Variants in KCNQ1 observed in about 807,000 individuals in gnomAD.
KCNQ1 encodes potassium voltage-gated channel subfamily KQT member 1.
KCNQ1 carries 49 observed loss-of-function variants against 72.4 expected under a neutral mutation model. That is an observed-to-expected ratio of 0.68 (90% CI 0.54 to 0.86). KCNQ1 has a LOEUF of 0.86. Ranked by LOEUF, KCNQ1 falls within the 40% of genes least tolerant of loss-of-function variation. The pLI is 0.00. For synonymous variants in KCNQ1, 450 were observed against 412.6 expected (o/e 1.09, Z -1.10); for missense variants, 790 against 945.1 (o/e 0.84, Z 2.15).
chr11:2,494,523 C>T lies in KCNQ1; in HGVS notation c.387-33405C>T, dbSNP rs1846880260. Among the ~76,000 whole-genome samples, 1 of 152,114 alleles carries T rather than the reference C, an allele frequency of 6.6e-6. No homozygotes were observed. The highest frequency in any genetic ancestry group is 2.1e-4 in the South Asian group (1 of 4,830). On this transcript the variant is annotated intron_variant, in intron 1 of 15. Coordinates refer to ENST00000155840, the MANE Select transcript of KCNQ1 (RefSeq NM_000218.3). The surrounding 1 kb of genome is among the most constrained non-coding windows in gnomAD (Gnocchi z 4.6). ...CTTGTTATTTTGAGATATGTTCCAT[C>T]AATTCCTAGTTTATTGAGAGTTTTT... is the stretch of plus-strand genomic sequence containing the variant.
rs887114334 is a variant in KCNQ1 at position 2,602,782 on chromosome 11, T to C, written c.1393+13928T>C. 7.2e-5 allele frequency among the ~76,000 whole-genome samples: 11 copies of C among 152,356 alleles called. No homozygotes were observed. The highest frequency in any genetic ancestry group is 5.2e-4 in the Admixed American group (8 of 15,308). ...TTTCCCAATTAGACTTTTTGTTAACTGTCGAGTTTTGGGAGATGTTTATAT... is the reference window on the plus strand; with the variant it reads ...TTTCCCAATTAGACTTTTTGTTAACCGTCGAGTTTTGGGAGATGTTTATAT... On this transcript the variant is annotated intron_variant, in intron 10 of 15. Transcript: ENST00000155840. This position sits in a 1 kb window ranked among gnomAD's most constrained non-coding sequence, Gnocchi z 4.8.
At position 2,745,567 on chromosome 11, in the gene KCNQ1, G is replaced by A. The variant is rs1405589741; in HGVS notation, c.1515-23277G>A. ...ATCGGTCCTATCAGGAGGAGTCAGCGTGACCACAGGCCCCCATTCCCCAGC... is the reference window on the plus strand; with the variant it reads ...ATCGGTCCTATCAGGAGGAGTCAGCATGACCACAGGCCCCCATTCCCCAGC... On this transcript the variant is annotated intron_variant, in intron 11 of 15. Coordinates refer to ENST00000155840, the MANE Select transcript of KCNQ1 (RefSeq NM_000218.3). The surrounding 1 kb of genome is among the most constrained non-coding windows in gnomAD (Gnocchi z 6.2). 3.9e-5 allele frequency among the ~76,000 whole-genome samples: 6 copies of A among 152,306 alleles called. No individual in the cohort carries two copies. The highest frequency in any genetic ancestry group is 9.6e-5 in the African/African-American group (4 of 41,558).
intron 10 of KCNQ1, chr11:2,648,014 G>T: frequency 2.5e-6 from 1 of 393,996 alleles, no homozygotes; most frequent in South Asian, 1.4e-4. Flanking sequence ...AGGAGTTTGA[G>T]ACCAGCCTGA....
In KCNQ1 at chr11:2,657,255, G is replaced by A; in HGVS notation, c.1394-4706G>A. ...ATCAGCTTGCCAAAGTTCTCACACA[G>A]AAGCCTTGAGATTTTTATTAAGATT... On this transcript the variant is annotated intron_variant, in intron 10 of 15. Coordinates refer to ENST00000155840, the MANE Select transcript of KCNQ1 (RefSeq NM_000218.3). This position sits in a 1 kb window ranked among gnomAD's most constrained non-coding sequence, Gnocchi z 4.8. 2.5e-6 allele frequency: 1 copy of A among 398,596 alleles called. No individual in the cohort carries two copies. 24.7% of individuals were successfully genotyped at this position (398,596 alleles called of 1,614,324 possible). A position where few individuals can be genotyped will look rare whatever the true frequency, so the allele number is the denominator to read the frequency against.
chr11:2,587,799 C>T, intron 9 of KCNQ1, 107 bp downstream of exon 9: 9 of 1,465,606 alleles, frequency 6.1e-6, no homozygotes, highest in East Asian at 2.3e-5. Context: ...TGGCTTGGTA[C>T]AGCCTGTGTC....
chr11:2,752,533 G>T lies in KCNQ1; in HGVS notation c.1515-16311G>T, dbSNP rs534164658. Among the ~76,000 whole-genome samples the T allele has an allele frequency of 1.3e-5, 2 of 152,248 alleles. No individual in the cohort carries two copies. Among genetic ancestry groups the T allele is most frequent in the South Asian group, 4.2e-4 (2 of 4,812 alleles). ...AGACTGGGAAGCACAGGGTCAGGGCGCCAGCAGATCTGGTGTCTGGTAAGG... is the reference window on the plus strand; with the variant it reads ...AGACTGGGAAGCACAGGGTCAGGGCTCCAGCAGATCTGGTGTCTGGTAAGG... On this transcript the variant is annotated intron_variant, in intron 11 of 15. Coordinates refer to ENST00000155840, the MANE Select transcript of KCNQ1 (RefSeq NM_000218.3). The surrounding 1 kb of genome is among the most constrained non-coding windows in gnomAD (Gnocchi z 5.2).
intron 11 of KCNQ1, among the ~76,000 whole-genome samples, chr11:2,757,751 G>A (rs1031145830): frequency 1.3e-5 from 2 of 152,238 alleles, no homozygotes; most frequent in Admixed American, 1.3e-4. Context: ...TCCAGAAATA[G>A]ACACACGCAA....
chr11:2,649,724 A>C, intron 10 of KCNQ1: 2 of 398,368 alleles, frequency 5.0e-6, no homozygotes, highest in Admixed American at 4.4e-5. Context: ...CTTGTTTTTT[A>C]AATTCTCTCT....
At chr11:2,777,166 C>CA in intron 14 of KCNQ1, 134 bp downstream of exon 14, 1 of 903,774 alleles carries the variant, frequency 1.1e-6, no homozygotes, top group Admixed American at 2.0e-5. Flanking sequence ...AAATGAAAGC[C>CA]AGGGAGTAAG....
chr11:2,674,889 T>G lies in KCNQ1; in HGVS notation c.1514+12808T>G. ...CACTGGGCACCTTGGCTGCAGGGTCTGAAAAGTCCTTTGTGTTAGCTCCAG... is the reference window on the plus strand; with the variant it reads ...CACTGGGCACCTTGGCTGCAGGGTCGGAAAAGTCCTTTGTGTTAGCTCCAG... On this transcript the variant is annotated intron_variant, in intron 11 of 15. Transcript: ENST00000155840. The surrounding 1 kb of genome is among the most constrained non-coding windows in gnomAD (Gnocchi z 5.9). The G allele has an allele frequency of 2.5e-6, 1 of 395,270 alleles. No homozygotes were observed. The highest frequency in any genetic ancestry group is 4.4e-6 in the Non-Finnish European group (1 of 225,372). 24.5% of individuals were successfully genotyped at this position (395,270 alleles called of 1,614,324 possible).
Position 2,611,688 on chromosome 11 carries a change from T to A in KCNQ1, c.1393+22834T>A. 1 of 398,590 alleles carries A rather than the reference T, an allele frequency of 2.5e-6. No individual in the cohort carries two copies. The highest frequency in any genetic ancestry group is 4.4e-6 in the Non-Finnish European group (1 of 226,050). The allele number at this position is 398,590 out of a possible 1,614,324, so 24.7% of individuals were successfully genotyped here. A position where few individuals can be genotyped will look rare whatever the true frequency, so the allele number is the denominator to read the frequency against. ...TGGCAATCTCTGCTCTTTATTGAGTTTTTAATTCACTTATATGTAATATAA... is the reference window on the plus strand; with the variant it reads ...TGGCAATCTCTGCTCTTTATTGAGTATTTAATTCACTTATATGTAATATAA... On this transcript the variant is annotated intron_variant, in intron 10 of 15. Transcript: ENST00000155840. This position sits in a 1 kb window ranked among gnomAD's most constrained non-coding sequence, Gnocchi z 5.3.
At position 2,647,585 on chromosome 11, in the gene KCNQ1, T is replaced by G. The variant is rs1051282640; in HGVS notation, c.1394-14376T>G. 3.0e-5 allele frequency: 12 copies of G among 398,462 alleles called. No homozygotes were observed. Among genetic ancestry groups the G allele is most frequent in the Non-Finnish European group, 5.3e-5 (12 of 226,062 alleles). 24.7% of individuals were successfully genotyped at this position (398,462 alleles called of 1,614,324 possible). A position where few individuals can be genotyped will look rare whatever the true frequency, so the allele number is the denominator to read the frequency against. On this transcript the variant is annotated intron_variant, in intron 10 of 15. Coordinates refer to ENST00000155840, the MANE Select transcript of KCNQ1 (RefSeq NM_000218.3). The surrounding 1 kb of genome is among the most constrained non-coding windows in gnomAD (Gnocchi z 4.0). ...GTCTGAGAAGAATTCATGTTAGTTC[T>G]TTAAAGGTTTGGTAGAATTCAGTAG... is the stretch of plus-strand genomic sequence containing the variant.
In KCNQ1 at chr11:2,828,697, G is replaced by A. The variant is rs148066796; in HGVS notation, c.1795-19070G>A. On this transcript the variant is annotated intron_variant, in intron 15 of 15. Coordinates refer to ENST00000155840, the MANE Select transcript of KCNQ1 (RefSeq NM_000218.3). The surrounding 1 kb of genome is among the most constrained non-coding windows in gnomAD (Gnocchi z 5.3). Reference sequence around the variant, plus strand: ...GGTTCTGAACTTGGAGCCACCAGGAGCAGTTGTGGGTGGGGCAGGAGCTCT... The same window carrying A: ...GGTTCTGAACTTGGAGCCACCAGGAACAGTTGTGGGTGGGGCAGGAGCTCT... Among the ~76,000 whole-genome samples, 18 of 152,332 alleles carry A rather than the reference G, an allele frequency of 1.2e-4. No homozygotes were observed. In the East Asian group the frequency reaches 2.1e-3, roughly 18 times the overall value.
Position 2,620,014 on chromosome 11 carries a change from C to G in KCNQ1, c.1393+31160C>G. 1 of 397,676 alleles carries G rather than the reference C, an allele frequency of 2.5e-6. No individual in the cohort carries two copies. The highest frequency in any genetic ancestry group is 4.4e-6 in the Non-Finnish European group (1 of 226,040). 24.6% of individuals were successfully genotyped at this position (397,676 alleles called of 1,614,324 possible). On this transcript the variant is annotated intron_variant, in intron 10 of 15. Transcript: ENST00000155840. The surrounding 1 kb of genome is among the most constrained non-coding windows in gnomAD (Gnocchi z 4.5). ...ATAGGTAGGTTTTCAGCCCACCTCT[C>G]CATTCCTCCCCCAAGTAGTCCCCAG... is the stretch of plus-strand genomic sequence containing the variant.
intron 11 of KCNQ1, among the ~76,000 whole-genome samples, chr11:2,732,725 A>C (rs1246117603): frequency 6.6e-6 from 1 of 152,156 alleles, no homozygotes; most frequent in African/African-American, 2.4e-5. Flanking sequence ...GCCGGCGCAC[A>C]CAGCTCCCAG....
chr11:2,565,179 C>T lies in KCNQ1; in HGVS notation c.478-5449C>T, dbSNP rs1295438065. ...ATTTGTTAGAGCAGTTTTAGGTTCA[C>T]AGCAAAATCGAGCGGCTGGTCATTT... On this transcript the variant is annotated intron_variant, in intron 2 of 15. Transcript: ENST00000155840. The surrounding 1 kb of genome is among the most constrained non-coding windows in gnomAD (Gnocchi z 5.6). 6.6e-6 allele frequency among the ~76,000 whole-genome samples: 1 copy of T among 152,208 alleles called. No individual in the cohort carries two copies. Among genetic ancestry groups the T allele is most frequent in the African/African-American group, 2.4e-5 (1 of 41,448 alleles).
At chr11:2,504,657 C>T (rs923598047) in intron 1 of KCNQ1, among the ~76,000 whole-genome samples, 3 of 152,006 alleles carry the variant, frequency 2.0e-5, no homozygotes, top group Non-Finnish European at 2.9e-5. Context: ...CTTGGGTGGC[C>T]GAGGCATGAG....
At chr11:2,686,815 G>A (rs927229447) in intron 11 of KCNQ1, 30 of 398,644 alleles carry the variant, frequency 7.5e-5, no homozygotes, top group African/African-American at 6.2e-4. Context: ...CACCCCTAAA[G>A]AGCAGCACAA....
rs140923605 is a variant in KCNQ1 at position 2,664,820 on chromosome 11, T to C, written c.1514+2739T>C. The C allele has an allele frequency of 1.1e-3, 420 of 398,672 alleles. 1 individual carries two copies. Among genetic ancestry groups the C allele is most frequent in the African/African-American group, 8.2e-3 (402 of 48,736 alleles). The allele number at this position is 398,672 out of a possible 1,614,324, so 24.7% of individuals were successfully genotyped here. On this transcript the variant is annotated intron_variant, in intron 11 of 15. Coordinates refer to ENST00000155840, the MANE Select transcript of KCNQ1 (RefSeq NM_000218.3). This position sits in a 1 kb window ranked among gnomAD's most constrained non-coding sequence, Gnocchi z 5.1. Reference sequence around the variant, plus strand: ...AAACATTTCCATTTTTCTTCAGCATTCTACTGATGTTAAATGTATTACCAT... The same window carrying C: ...AAACATTTCCATTTTTCTTCAGCATCCTACTGATGTTAAATGTATTACCAT...
Sources: gnomAD v4.1 joint callset for allele counts (sites outside exome capture counted in the v4.1 genomes callset) on GRCh38, gnomAD v4.1.1 for gene constraint, Gnocchi (gnomAD v3.1) non-coding constraint, MANE v1.5 for transcripts, NCBI Gene and HGNC (gene_info 2026-07-23, HGNC 2026-07-21) for gene names.